Variants in NRG2 observed in about 807,000 individuals in gnomAD.
The protein encoded by NRG2 is neuregulin 2.
NRG2 carries 27 observed loss-of-function variants against 73.9 expected under a neutral mutation model. The ratio of observed to expected loss-of-function variants is 0.37; its 90% CI spans 0.27 to 0.50. The LOEUF is 0.50. NRG2 is among the 20% of genes least tolerant of loss of function. NRG2 has a pLI of 0.96. For missense variants in NRG2, 1,126 were observed against 1,210.1 expected (o/e 0.93, Z 1.03); for synonymous variants, 532 against 541.0 (o/e 0.98, Z 0.23).
At chr5:140,016,689 C>A (rs1228353572) in intron 1 of NRG2, among the ~76,000 whole-genome samples, 2 of 152,174 alleles carry the variant, frequency 1.3e-5, no homozygotes, top group Non-Finnish European at 2.9e-5. Flanking sequence ...TCTATGGCTT[C>A]GTCTGGGATT....
chr5:140,007,260 G>T (rs958602270), intron 1 of NRG2, among the ~76,000 whole-genome samples: 1 of 152,074 alleles, frequency 6.6e-6, no homozygotes, highest in African/African-American at 2.4e-5. Context: ...GTGGCTCAAA[G>T]ATACAGGAAC....
At chr5:139,938,883 G>GAAA (rs1440572917) in intron 1 of NRG2, among the ~76,000 whole-genome samples, 1 of 48,166 alleles carries the variant, frequency 2.1e-5, no homozygotes, top group Non-Finnish European at 3.7e-5. Context: ...AGAGAGAGAA[G>GAAA]GAAAGAAAGA....
intron 1 of NRG2, among the ~76,000 whole-genome samples, chr5:139,929,314 A>G (rs1468674067): frequency 6.6e-6 from 1 of 152,154 alleles, no homozygotes. Context: ...ATTCCTAAAG[A>G]ACAGAATATG....
chr5:139,888,755 C>T (rs1351913449), intron 1 of NRG2, among the ~76,000 whole-genome samples: 3 of 152,026 alleles, frequency 2.0e-5, no homozygotes, highest in African/African-American at 7.3e-5. Context: ...ATGACGTAGG[C>T]TTACACAATG....
chr5:139,961,792 T>C (rs1196370884), intron 1 of NRG2, among the ~76,000 whole-genome samples: 1 of 152,164 alleles, frequency 6.6e-6, no homozygotes, highest in Non-Finnish European at 1.5e-5. Flanking sequence ...ATCCTCAGGC[T>C]CCTAAAGGAA....
At chr5:139,867,728 C>CT (rs775298718) in intron 4 of NRG2, among the ~76,000 whole-genome samples, 5 of 146,950 alleles carry the variant, frequency 3.4e-5, no homozygotes, top group Non-Finnish European at 7.4e-5. Flanking sequence ...TGTCCAATGT[C>CT]TGAGATCAGC....
Position 139,847,914 on chromosome 5 carries a change from G to A in NRG2, c.*3C>T. 1 of 1,478,112 alleles carries A rather than the reference G, an allele frequency of 6.8e-7. No homozygotes were observed. The highest frequency in any genetic ancestry group is 8.9e-7 in the Non-Finnish European group (1 of 1,120,450). 91.6% of individuals were successfully genotyped at this position (1,478,112 alleles called of 1,614,324 possible). A position where few individuals can be genotyped will look rare whatever the true frequency, so the allele number is the denominator to read the frequency against. On this transcript the variant is annotated 3_prime_UTR_variant, in exon 10 of 10. Coordinates refer to ENST00000361474, the MANE Select transcript of NRG2 (RefSeq NM_004883.3). ...GCGGGGCGGAGGGGCGCGCGGCGGG[G>A]CCCTAGAGTGGCGCCGAGTCCTGCT...
Position 139,851,906 on chromosome 5 carries a change from C to T in NRG2, c.1545-75G>A. 7.9e-7 allele frequency: 1 copy of T among 1,266,336 alleles called. No homozygotes were observed. The highest frequency in any genetic ancestry group is 1.1e-6 in the Non-Finnish European group (1 of 889,148). 78.4% of individuals were successfully genotyped at this position (1,266,336 alleles called of 1,614,324 possible). On this transcript the variant is annotated intron_variant, in intron 8 of 9. Coordinates refer to ENST00000361474, the MANE Select transcript of NRG2 (RefSeq NM_004883.3). The surrounding 1 kb of genome is among the most constrained non-coding windows in gnomAD (Gnocchi z 4.2). The stretch of plus-strand genomic sequence containing the variant: ...GCCCAGCAGGTGTGGTCCCATGGAC[C>T]TCCCTGGCTCTTCTTCCACCTCGAG...
chr5:139,980,136 G>T (rs528751899), intron 1 of NRG2, among the ~76,000 whole-genome samples: 1 of 152,108 alleles, frequency 6.6e-6, no homozygotes, highest in South Asian at 2.1e-4. Context: ...ACATCCGGAG[G>T]CAGATGGGTT....
intron 1 of NRG2, among the ~76,000 whole-genome samples, chr5:140,041,095 G>A (rs1343805087): frequency 6.6e-6 from 1 of 152,118 alleles, no homozygotes; most frequent in Non-Finnish European, 1.5e-5. Flanking sequence ...GAAAGATGAA[G>A]GCAGCAAAAC....
intron 1 of NRG2, among the ~76,000 whole-genome samples, chr5:139,959,012 C>A (rs1257533304): frequency 6.6e-6 from 1 of 152,170 alleles, no homozygotes; most frequent in South Asian, 2.1e-4. Flanking sequence ...GCTATAACCT[C>A]CAACCCCAAA....
intron 1 of NRG2, among the ~76,000 whole-genome samples, chr5:139,937,411 G>C (rs777981974): frequency 5.9e-5 from 9 of 152,088 alleles, no homozygotes; most frequent in Non-Finnish European, 1.2e-4. Flanking sequence ...CAGGAATAAG[G>C]CTAGGAATCA....
intron 1 of NRG2, among the ~76,000 whole-genome samples, chr5:139,919,744 A>G (rs866712523): frequency 4.6e-5 from 7 of 152,244 alleles, no homozygotes; most frequent in African/African-American, 1.7e-4. Context: ...ACTCTAAAAG[A>G]GAAGCAATGA....
chr5:139,983,340 T>A (rs1198237201), intron 1 of NRG2, among the ~76,000 whole-genome samples: 1 of 152,160 alleles, frequency 6.6e-6, no homozygotes, highest in African/African-American at 2.4e-5. Context: ...TCTGGGGAAG[T>A]TTCAGTGCCC....
Position 139,851,954 on chromosome 5 carries a change from T to G in NRG2, c.1545-123A>C. On this transcript the variant is annotated intron_variant, in intron 8 of 9. Coordinates refer to ENST00000361474, the MANE Select transcript of NRG2 (RefSeq NM_004883.3). This position sits in a 1 kb window ranked among gnomAD's most constrained non-coding sequence, Gnocchi z 4.2. ...GAGCTCCCTTAGCTCAATGCCCTTC[T>G]CCACTCTGGGGTGATGTGTATTGTT... The G allele has an allele frequency of 1.3e-6, 1 of 772,342 alleles. No individual in the cohort carries two copies. Among genetic ancestry groups the G allele is most frequent in the Non-Finnish European group, 2.1e-6 (1 of 470,414 alleles). The allele number at this position is 772,342 out of a possible 1,614,324, so 47.8% of individuals were successfully genotyped here. A position where few individuals can be genotyped will look rare whatever the true frequency, so the allele number is the denominator to read the frequency against.
At chr5:139,998,482 C>T (rs952166379) in intron 1 of NRG2, among the ~76,000 whole-genome samples, 5 of 152,176 alleles carry the variant, frequency 3.3e-5, no homozygotes, top group Non-Finnish European at 5.9e-5. Flanking sequence ...CACACAAGAT[C>T]TGCTCCAGTT....
chr5:139,848,746 G>A (rs1165341586), intron 9 of NRG2, 49 bp from the exon 10 acceptor site: 55 of 1,088,316 alleles, frequency 5.1e-5, no homozygotes, highest in Admixed American at 7.5e-5. Flanking sequence ...GGGCCGGCGC[G>A]GGGGAGGGGG....
intron 1 of NRG2, among the ~76,000 whole-genome samples, chr5:140,021,843 A>G (rs1051780539): frequency 6.6e-6 from 1 of 152,222 alleles, no homozygotes; most frequent in African/African-American, 2.4e-5. Flanking sequence ...ATCCTGAAGA[A>G]TAGCTTAGAT....
At position 139,851,505 on chromosome 5, in the gene NRG2, C is replaced by A; in HGVS notation, c.1772+99G>T. On this transcript the variant is annotated intron_variant, in intron 9 of 9. Transcript: ENST00000361474. This position sits in a 1 kb window ranked among gnomAD's most constrained non-coding sequence, Gnocchi z 4.2. ...TCCCATATGAAAAATGGAGATGAGG[C>A]TCTTTGGAGTGTTTCTGAGGGGCCC... 8.9e-7 allele frequency: 1 copy of A among 1,124,236 alleles called. No individual in the cohort carries two copies. Among genetic ancestry groups the A allele is most frequent in the Non-Finnish European group, 1.3e-6 (1 of 772,680 alleles). The allele number at this position is 1,124,236 out of a possible 1,614,324, so 69.6% of individuals were successfully genotyped here. A position where few individuals can be genotyped will look rare whatever the true frequency, so the allele number is the denominator to read the frequency against.
Sources: gnomAD v4.1 joint callset for allele counts (sites outside exome capture counted in the v4.1 genomes callset) on GRCh38, gnomAD v4.1.1 for gene constraint, Gnocchi (gnomAD v3.1) non-coding constraint, MANE v1.5 for transcripts, NCBI Gene and HGNC (gene_info 2026-07-23, HGNC 2026-07-21) for gene names.